ZXDC: variants seen among roughly 807,000 people sequenced by gnomAD.
The protein encoded by ZXDC is zinc finger protein ZXDC.
Under a neutral mutation model 63.6 loss-of-function variants are expected in ZXDC, and 58 were observed. The observed-to-expected ratio is 0.91, with a 90% CI of 0.74 to 1.13. The LOEUF (loss-of-function observed/expected upper bound fraction) is 1.13, where lower values mean the gene tolerates loss of function less well. Ranked by LOEUF, ZXDC falls within the 50% of genes most tolerant of loss-of-function variation. ZXDC has a pLI of 0.00. For missense variants in ZXDC, 1,133 were observed against 1,148.9 expected (o/e 0.99, Z 0.20); for synonymous variants, 561 against 496.1 (o/e 1.13, Z -1.74).
At chr3:126,473,717 T>G (rs1935067264) in intron 1 of ZXDC, among the ~76,000 whole-genome samples, 1 of 152,228 alleles carries the variant, frequency 6.6e-6, no homozygotes, top group African/African-American at 2.4e-5. Flanking sequence ...CCGTTCATAA[T>G]TCTCATCTCA....
intron 1 of ZXDC, 109 bp downstream of exon 1, chr3:126,474,850 T>C: frequency 1.6e-6 from 2 of 1,278,082 alleles, no homozygotes; most frequent in South Asian, 1.5e-5. Flanking sequence ...CCGAAGAGCC[T>C]GCGTCCCCGG....
chr3:126,443,027 C>G (rs1454660534), intron 7 of ZXDC: 3 of 152,212 alleles, frequency 2.0e-5, no homozygotes, highest in Admixed American at 1.3e-4. Context: ...CCCTGGGTCC[C>G]GGAGAGCTTC....
In ZXDC at chr3:126,441,845, G is replaced by A. The variant is rs61753366; in HGVS notation, c.2314C>T (p.Pro772Ser). 2.6e-5 allele frequency: 42 copies of A among 1,613,754 alleles called. No individual in the cohort carries two copies. The African/African-American group carries it at 5.5e-4, about 21-fold the overall frequency. The change falls in exon 8 of 10, where the codon CCC (proline) becomes TCC (serine). Residue 772 changes from proline to serine, a missense_variant. Physicochemically the swap from Pro to Ser is moderately conservative, Grantham distance 74. Transcript: ENST00000389709. ...GCTGGTCCTGGCCGTCCTCCGCTGGGCACCACGAGGCTCCCACACAACCAA... is the reference window on the plus strand; with the variant it reads ...GCTGGTCCTGGCCGTCCTCCGCTGGACACCACGAGGCTCCCACACAACCAA... ...NSWLCGSLVV[P>S]SGGRPGPAPA...
chr3:126,439,984 C>T (rs1001418239), intron 8 of ZXDC: 5 of 1,364,182 alleles, frequency 3.7e-6, no homozygotes, highest in Non-Finnish European at 4.7e-6. Flanking sequence ...CCAGCTCCTC[C>T]CCTCAGTCAG....
chr3:126,460,894 A>G (rs1421295198), intron 6 of ZXDC: 4 of 985,326 alleles, frequency 4.1e-6, no homozygotes, highest in Non-Finnish European at 4.8e-6. Flanking sequence ...CTGTGCCACA[A>G]AAAAAATCCC....
At chr3:126,461,079 A>G (rs989741221) in intron 6 of ZXDC, 12 of 982,712 alleles carry the variant, frequency 1.2e-5, no homozygotes, top group Non-Finnish European at 1.4e-5. Context: ...CATAAACCCC[A>G]CCCTTTTTTT....
At chr3:126,443,758 A>G (rs1351828919) in intron 7 of ZXDC, among the ~76,000 whole-genome samples, 2 of 152,252 alleles carry the variant, frequency 1.3e-5, no homozygotes, top group Non-Finnish European at 1.5e-5. Flanking sequence ...AAATATGTAC[A>G]TAAACTTAAC....
intron 1 of ZXDC, among the ~76,000 whole-genome samples, 154 bp from the exon 2 acceptor site, chr3:126,472,459 C>T (rs991916584): frequency 1.3e-5 from 2 of 152,190 alleles, no homozygotes; most frequent in Admixed American, 6.5e-5. Flanking sequence ...ACCATTAATG[C>T]TTGGCTTTGT....
At position 126,438,327 on chromosome 3, in the gene ZXDC, GGT is replaced by G; in HGVS notation, c.*46_*47del. 1 of 1,515,658 alleles carries G rather than the reference GGT, an allele frequency of 6.6e-7. No homozygotes were observed. The highest frequency in any genetic ancestry group is 2.4e-5 in the East Asian group (1 of 42,406). 93.9% of individuals were successfully genotyped at this position (1,515,658 alleles called of 1,614,324 possible). On this transcript the variant is annotated 3_prime_UTR_variant, in exon 10 of 10. Coordinates refer to ENST00000389709, the MANE Select transcript of ZXDC (RefSeq NM_025112.5). ...GGCTCATGTCATGAGTCTCAGGGAA[GGT>G]GTGTCCTAGACCGTGGCCTTGGGCC...
At position 126,438,170 on chromosome 3, in the gene ZXDC, AG is replaced by A; in HGVS notation, c.*204del. The A allele has an allele frequency of 1.7e-6, 1 of 595,462 alleles. No homozygotes were observed. Among genetic ancestry groups the A allele is most frequent in the African/African-American group, 1.9e-5 (1 of 53,950 alleles). The allele number at this position is 595,462 out of a possible 1,614,324, so 36.9% of individuals were successfully genotyped here. Reference sequence around the variant, plus strand: ...CCTTGCCAAAGCACTTTGCTCACAAAGGCAGTTTCAAAGAGTATAGCCCGAA... The same window carrying A: ...CCTTGCCAAAGCACTTTGCTCACAAAGCAGTTTCAAAGAGTATAGCCCGAA... On this transcript the variant is annotated 3_prime_UTR_variant, in exon 10 of 10. Transcript: ENST00000389709.
rs1934357576 is a variant in ZXDC at position 126,457,609 on chromosome 3, C to T, written c.2212+2044G>A. On this transcript the variant is annotated intron_variant, in intron 7 of 9. Coordinates refer to ENST00000389709, the MANE Select transcript of ZXDC (RefSeq NM_025112.5). Reference sequence around the variant, plus strand: ...GTGCATTAAAATACTCTGACCATCACTGCAGGATGCTAAGAAACTCACACA... The same window carrying T: ...GTGCATTAAAATACTCTGACCATCATTGCAGGATGCTAAGAAACTCACACA... 3 of 985,306 alleles carry T rather than the reference C, an allele frequency of 3.0e-6. No homozygotes were observed. In the African/African-American group the frequency reaches 5.2e-5, roughly 17 times the overall value. 61.0% of individuals were successfully genotyped at this position (985,306 alleles called of 1,614,324 possible). A position where few individuals can be genotyped will look rare whatever the true frequency, so the allele number is the denominator to read the frequency against.
rs964840059 is a variant in ZXDC, at chr3:126,461,927, C to A, written c.1735G>T (p.Asp579Tyr). 6.2e-7 allele frequency: 1 copy of A among 1,614,142 alleles called. No individual in the cohort carries two copies. The highest frequency in any genetic ancestry group is 1.3e-5 in the African/African-American group (1 of 75,026). ...GCTGTCCCGAGAACCAGAGGGCTGT[C>A]CAGGCTTGGGGGAATATCACTGTGG... is the stretch of plus-strand genomic sequence containing the variant. The part of the protein sequence containing the change: ...VAHSDIPPSL[D>Y]SPLVLGTAAT... The change falls in exon 6 of 10, where the codon GAC becomes TAC. Residue 579 changes from aspartate (D) to tyrosine (Y), a missense_variant. Coordinates refer to ENST00000389709, the MANE Select transcript of ZXDC (RefSeq NM_025112.5).
At chr3:126,473,238 C>G (rs800949) in intron 1 of ZXDC, among the ~76,000 whole-genome samples, 84,388 of 151,982 alleles carry the variant, frequency 0.56, 25,204 homozygotes, top group Non-Finnish European at 0.67. Context: ...CACAGACTCT[C>G]TCTGCCTTGG....
intron 7 of ZXDC, chr3:126,451,900 G>C: frequency 4.1e-6 from 4 of 985,392 alleles, no homozygotes; most frequent in Non-Finnish European, 4.8e-6. Flanking sequence ...TTTTTGTGAG[G>C]CGTGAACAGA....
intron 7 of ZXDC, among the ~76,000 whole-genome samples, chr3:126,444,159 A>G (rs1160876715): frequency 6.6e-6 from 1 of 152,252 alleles, no homozygotes; most frequent in Non-Finnish European, 1.5e-5. Context: ...CAGCCAGAAC[A>G]GTCGCATTAC....
intron 7 of ZXDC, among the ~76,000 whole-genome samples, chr3:126,455,763 C>T (rs1297234957): frequency 2.6e-5 from 4 of 151,884 alleles, no homozygotes; most frequent in Non-Finnish European, 5.9e-5. Context: ...TTTGGGAGGC[C>T]GAGGCGGGCG....
intron 7 of ZXDC, among the ~76,000 whole-genome samples, chr3:126,455,725 TG>T (rs1019409457): frequency 6.6e-6 from 1 of 152,004 alleles, no homozygotes; most frequent in Admixed American, 6.6e-5. Context: ...AGGCCGGGCA[TG>T]GTGGCTCACG....
At chr3:126,469,591 C>T (rs1168467024) in intron 4 of ZXDC, among the ~76,000 whole-genome samples, 1 of 152,200 alleles carries the variant, frequency 6.6e-6, no homozygotes, top group Non-Finnish European at 1.5e-5. Flanking sequence ...CAGGCTAAGC[C>T]ACAACTCAAA....
chr3:126,458,529 C>T (rs1934399786), intron 7 of ZXDC: 13 of 957,686 alleles, frequency 1.4e-5, no homozygotes, highest in Non-Finnish European at 1.6e-5. Context: ...TGAGCCACCG[C>T]ACCTGGCCAA....
Sources: allele counts gnomAD v4.1 joint callset (sites outside exome capture counted in the v4.1 genomes callset), GRCh38; gene constraint gnomAD v4.1.1; transcripts MANE v1.5; gene names NCBI Gene and HGNC (gene_info 2026-07-23, HGNC 2026-07-21).